The following WNK2 variants were observed in gnomAD, a reference collection of about 807,000 sequenced individuals.
WNK2 encodes serine/threonine-protein kinase WNK2.
A neutral mutation model predicts 192.1 loss-of-function variants in WNK2; 67 were observed. That is an observed-to-expected ratio of 0.35 (90% CI 0.29 to 0.43). WNK2 has a LOEUF of 0.43. Ranked by LOEUF, WNK2 falls within the 20% of genes least tolerant of loss-of-function variation. The pLI is 1.00. For synonymous variants in WNK2, 1,439 were observed against 1,393.9 expected, an observed-to-expected ratio of 1.03 and a Z score of -0.72; for missense variants, 2,698 against 3,089.7, an observed-to-expected ratio of 0.87 and a Z score of 3.01.
intron 13 of WNK2, 82 bp from the exon 14 acceptor site, chr9:93,262,588 A>C: frequency 1.6e-5 from 23 of 1,474,906 alleles, no homozygotes; most frequent in Non-Finnish European, 2.0e-5. Flanking sequence ...GTGGGGAGGG[A>C]GAGCTGACTA....
Position 93,289,448 on chromosome 9 carries a change from T to C in WNK2, c.4694T>C (p.Val1565Ala), listed in dbSNP as rs896466760. 2 of 1,612,718 alleles carry C rather than the reference T, an allele frequency of 1.2e-6. No homozygotes were observed. The highest frequency in any genetic ancestry group is 2.7e-5 in the African/African-American group (2 of 74,934). Residue 1565 changes from valine to alanine, a missense_variant, in exon 20 of 30, where the codon GTG becomes GCG. By Grantham distance (64) the Val-to-Ala change is moderately conservative. Transcript: ENST00000427277. ...CGGACTCTGCTCTACCAGGAGCACG[T>C]GCCCACCTCCTCAGCCTCAGCTGGG... ...KLRTLLYQEH[V>A]PTSSASAGTP...
rs760545874 is a variant in WNK2 at position 93,288,908 on chromosome 9, C to T, written c.4154C>T (p.Ala1385Val). ...CCTGGGGCACCCCCAGCCCCTTTGG[C>T]CCCCTCCTCCCCTCCTGTGACTGCT... ...NPPGAPPAPL[A>V]PSSPPVTALP... is the part of the protein sequence containing the mutation. The change falls in exon 20 of 30, where the codon GCC (alanine) becomes GTC (valine). Residue 1385 changes from alanine (A) to valine (V), a missense_variant. By Grantham distance (64) the Ala-to-Val change is moderately conservative (BLOSUM62 0). Transcript: ENST00000427277. 5 of 1,606,286 alleles carry T rather than the reference C, an allele frequency of 3.1e-6. No homozygotes were observed. Among genetic ancestry groups the T allele is most frequent in the East Asian group, 4.5e-5 (2 of 44,634 alleles).
At chr9:93,318,365 C>T (rs1217753977) in intron 29 of WNK2, 1 of 1,610,628 alleles carries the variant, frequency 6.2e-7, no homozygotes, top group South Asian at 1.1e-5. Context: ...GTGAGCCCTG[C>T]TTTGTCCTCA....
At chr9:93,249,934 A>T (rs1433644102) in intron 8 of WNK2, among the ~76,000 whole-genome samples, 14 of 2,212 alleles carry the variant, frequency 6.3e-3, no homozygotes, top group African/African-American at 0.012. Flanking sequence ...TTTTTTTTTT[A>T]AAGACAGTCT....
At chr9:93,235,000 G>A (rs772558822) in intron 5 of WNK2, 35 bp downstream of exon 5, 4 of 1,612,548 alleles carry the variant, frequency 2.5e-6, no homozygotes, top group South Asian at 1.1e-5. Flanking sequence ...AATTAATAAG[G>A]ACACAGAGGC....
intron 23 of WNK2, among the ~76,000 whole-genome samples, chr9:93,295,894 C>T (rs1850238200): frequency 6.9e-6 from 1 of 143,902 alleles, no homozygotes; most frequent in South Asian, 2.4e-4. Flanking sequence ...CCTCAACTCA[C>T]TTTCCTCCTC....
At chr9:93,262,595 A>G in intron 13 of WNK2, 75 bp from the exon 14 acceptor site, 1 of 1,525,752 alleles carries the variant, frequency 6.6e-7, no homozygotes. Context: ...GGGAGAGCTG[A>G]CTATGCGTGG....
intron 4 of WNK2, among the ~76,000 whole-genome samples, chr9:93,234,396 C>A (rs975755943): frequency 6.6e-6 from 1 of 152,208 alleles, no homozygotes; most frequent in Non-Finnish European, 1.5e-5. Context: ...TCCGTAGCAA[C>A]CCAAGTTCTT....
intron 19 of WNK2, 57 bp from the exon 20 acceptor site, chr9:93,288,731 A>G (rs1187364873): frequency 3.4e-6 from 5 of 1,486,536 alleles, no homozygotes; most frequent in Non-Finnish European, 4.5e-6. Context: ...CAAGGAAGAA[A>G]CAGGTAGATA....
At chr9:93,291,696 C>T (rs1296780709) in intron 21 of WNK2, among the ~76,000 whole-genome samples, 4 of 152,246 alleles carry the variant, frequency 2.6e-5, no homozygotes, top group Non-Finnish European at 5.9e-5. Flanking sequence ...TTCCCCACGG[C>T]GCATAGGTCT....
chr9:93,297,765 C>A, intron 23 of WNK2, 88 bp from the exon 24 acceptor site: 1 of 1,387,826 alleles, frequency 7.2e-7, no homozygotes, highest in South Asian at 1.3e-5. Context: ...ATCCCATGTT[C>A]TCCCACGCCA....
chr9:93,196,213 C>T (rs1350196760), intron 2 of WNK2, among the ~76,000 whole-genome samples: 1 of 152,030 alleles, frequency 6.6e-6, no homozygotes, highest in African/African-American at 2.4e-5. Flanking sequence ...GTCACGGGCT[C>T]CCTCTGGTAT....
chr9:93,284,104 A>G (rs990726166), intron 19 of WNK2, among the ~76,000 whole-genome samples: 109 of 152,346 alleles, frequency 7.2e-4, no homozygotes, highest in Non-Finnish European at 4.3e-4. Context: ...CCTTCCTATA[A>G]GGAAAAGTTT....
chr9:93,261,972 G>T lies in WNK2; in HGVS notation c.3225G>T (p.Thr1075=). The T allele has an allele frequency of 6.2e-7, 1 of 1,611,824 alleles. No individual in the cohort carries two copies. Among genetic ancestry groups the T allele is most frequent in the Non-Finnish European group, 8.5e-7 (1 of 1,179,666 alleles). The change falls in exon 13 of 30, where the codon ACG becomes ACT. Residue 1075 remains threonine, a synonymous_variant. Transcript: ENST00000427277. ...LLPQFPSSLA[T]VSASVQSVPT... is the part of the protein sequence containing the mutation. ...CTCAGTTCCCCAGCTCCCTGGCCAC[G>T]GTGTCTGCCTCTGTGCAGAGTGTGC...
intron 28 of WNK2, among the ~76,000 whole-genome samples, chr9:93,311,613 T>TTGTTTG (rs71511653): frequency 6.8e-6 from 1 of 146,076 alleles, no homozygotes; most frequent in Non-Finnish European, 1.5e-5. Context: ...GTTTTTTTGT[T>TTGTTTG]TGTGTGTGTG....
intron 20 of WNK2, 134 bp from the exon 21 acceptor site, chr9:93,289,844 C>G: frequency 1.1e-6 from 1 of 949,988 alleles, no homozygotes; most frequent in South Asian, 1.7e-5. Context: ...TGACTCAGCC[C>G]CATCCATGCA....
chr9:93,203,707 T>G (rs531705726), intron 2 of WNK2, among the ~76,000 whole-genome samples: 9 of 152,274 alleles, frequency 5.9e-5, no homozygotes, highest in African/African-American at 1.7e-4. Context: ...AGGCAGGAGC[T>G]TCTGAGACAG....
chr9:93,247,047 G>C lies in WNK2; in HGVS notation c.1543-496G>C, dbSNP rs1370252281. Among the ~76,000 whole-genome samples, 1 of 152,230 alleles carries C rather than the reference G, an allele frequency of 6.6e-6. No homozygotes were observed. The highest frequency in any genetic ancestry group is 1.5e-5 in the Non-Finnish European group (1 of 68,046). On this transcript the variant is annotated intron_variant, in intron 7 of 29. Coordinates refer to ENST00000427277, the MANE Select transcript of WNK2 (RefSeq NM_006648.4). This position sits in a 1 kb window ranked among gnomAD's most constrained non-coding sequence, Gnocchi z 5.2. ...CAGTTTTAAAATTTGCCAGGCATCA[G>C]TGCATACCTTACTGGTCCCTAATTA...
intron 4 of WNK2, among the ~76,000 whole-genome samples, chr9:93,234,170 G>A (rs550031014): frequency 6.6e-6 from 1 of 152,144 alleles, no homozygotes. Flanking sequence ...CACTGTTTTT[G>A]CATCTCTTGT....
Sources: allele counts gnomAD v4.1 joint callset (sites outside exome capture counted in the v4.1 genomes callset), GRCh38; gene constraint gnomAD v4.1.1; non-coding constraint Gnocchi (gnomAD v3.1); transcripts MANE v1.5; gene names NCBI Gene and HGNC (gene_info 2026-07-23, HGNC 2026-07-21).